GPR158: variants seen among roughly 807,000 people sequenced by gnomAD.
GPR158 encodes metabotropic glycine receptor.
Under a neutral mutation model 78.2 loss-of-function variants are expected in GPR158, and 30 were observed. The ratio of observed to expected loss-of-function variants is 0.38; its 90% CI spans 0.29 to 0.52. The LOEUF (loss-of-function observed/expected upper bound fraction) is 0.52, where lower values mean the gene tolerates loss of function less well. Ranked by LOEUF, GPR158 falls within the 20% of genes least tolerant of loss-of-function variation. GPR158 has a pLI of 0.83. For synonymous variants in GPR158, 581 were observed against 591.1 expected (o/e 0.98, Z 0.25); for missense variants, 1,463 against 1,523.5 (o/e 0.96, Z 0.66).
rs74986827 is a variant in GPR158, at chr10:25,225,641, A to G, written c.1008+4484A>G. Among the ~76,000 whole-genome samples the G allele has an allele frequency of 6.7e-3, 1,026 of 152,276 alleles. 8 individuals are homozygous for G. The highest frequency in any genetic ancestry group is 0.024 in the African/African-American group (981 of 41,580). On this transcript the variant is annotated intron_variant, in intron 2 of 10. Coordinates refer to ENST00000376351, the MANE Select transcript of GPR158 (RefSeq NM_020752.3). ...AGTATTTTCTTTTTGCATGCCAATT[A>G]AAGTCGTGTTTATTCTGCTTTGGAG...
intron 6 of GPR158, among the ~76,000 whole-genome samples, chr10:25,568,438 TAGGA>T (rs1836961576): frequency 6.6e-6 from 1 of 151,248 alleles, no homozygotes; most frequent in Non-Finnish European, 1.5e-5. Context: ...AAGAGAGAAG[TAGGA>T]AGGAAGTAGG....
chr10:25,216,450 C>T (rs1215990966), intron 1 of GPR158, among the ~76,000 whole-genome samples: 1 of 151,528 alleles, frequency 6.6e-6, no homozygotes, highest in Non-Finnish European at 1.5e-5. Flanking sequence ...ATGATACTTT[C>T]AATTTGCTTG....
chr10:25,313,641 T>G (rs1666448204), intron 2 of GPR158, among the ~76,000 whole-genome samples: 1 of 152,218 alleles, frequency 6.6e-6, no homozygotes, highest in African/African-American at 2.4e-5. Flanking sequence ...TTTATTATAC[T>G]AATGGACTCC....
intron 2 of GPR158, among the ~76,000 whole-genome samples, chr10:25,381,997 C>T (rs781117627): frequency 6.6e-6 from 1 of 152,050 alleles, no homozygotes; most frequent in Non-Finnish European, 1.5e-5. Context: ...CAACAGGGTT[C>T]GGTAAGCAAG....
chr10:25,346,636 C>T (rs1855375651), intron 2 of GPR158, among the ~76,000 whole-genome samples: 1 of 151,724 alleles, frequency 6.6e-6, no homozygotes, highest in African/African-American at 2.4e-5. Context: ...AATTGAAGTG[C>T]CATTTCTGAT....
intron 2 of GPR158, among the ~76,000 whole-genome samples, chr10:25,233,246 G>T (rs1232331885): frequency 6.6e-6 from 1 of 152,212 alleles, no homozygotes; most frequent in Non-Finnish European, 1.5e-5. Flanking sequence ...TCCCTCAGCA[G>T]TGCTTTCTAT....
chr10:25,476,384 G>T lies in GPR158; in HGVS notation c.1404+9665G>T, dbSNP rs74399446. 3.5e-5 allele frequency among the ~76,000 whole-genome samples: 5 copies of T among 144,436 alleles called. No individual in the cohort carries two copies. The East Asian group carries it at 6.1e-4, about 18-fold the overall frequency. The allele number at this position is 144,436 out of a possible 152,430, so 94.8% of individuals were successfully genotyped here. ...AAACCGTCAGTTTCATTTAATAAGG[G>T]TTTTTTTTTTTTTTCTTTCCCCTCT... On this transcript the variant is annotated intron_variant, in intron 5 of 10. Coordinates refer to ENST00000376351, the MANE Select transcript of GPR158 (RefSeq NM_020752.3).
In GPR158 at chr10:25,250,822, A is replaced by G. The variant is rs1329205260; in HGVS notation, c.1008+29665A>G. 5.1e-3 allele frequency among the ~76,000 whole-genome samples: 768 copies of G among 150,510 alleles called. 4 individuals carry two copies. Among genetic ancestry groups the G allele is most frequent in the Non-Finnish European group, 7.2e-3 (487 of 67,802 alleles). ...GGGGTGGAGAGTTCTGTAGATGTCT[A>G]TTAGGTCCGCTTGGTGCAGAGCTGA... On this transcript the variant is annotated intron_variant, in intron 2 of 10. Transcript: ENST00000376351.
At chr10:25,191,930 T>A (rs189336038) in intron 1 of GPR158, among the ~76,000 whole-genome samples, 11 of 152,286 alleles carry the variant, frequency 7.2e-5, no homozygotes, top group Admixed American at 5.9e-4. Flanking sequence ...CTCCTGTTAT[T>A]ATCTGTCTCT....
chr10:25,387,167 G>A (rs1253351201), intron 2 of GPR158, among the ~76,000 whole-genome samples: 1 of 151,916 alleles, frequency 6.6e-6, no homozygotes, highest in African/African-American at 2.4e-5. Flanking sequence ...TAGTATGTTG[G>A]GTGTTTTTAT....
chr10:25,241,285 T>TTTCC (rs1564399580), intron 2 of GPR158, among the ~76,000 whole-genome samples: 4 of 69,068 alleles, frequency 5.8e-5, no homozygotes, highest in South Asian at 5.3e-4. Flanking sequence ...TCTTTCTTTC[T>TTTCC]TTTCTTTTCT....
chr10:25,247,443 C>T (rs1009061829), intron 2 of GPR158, among the ~76,000 whole-genome samples: 57 of 142,160 alleles, frequency 4.0e-4, no homozygotes, highest in African/African-American at 1.2e-3. Context: ...TTAGGTATAT[C>T]GCCCAATGCT....
chr10:25,310,209 A>G (rs2130461255), intron 2 of GPR158, among the ~76,000 whole-genome samples: 1 of 152,264 alleles, frequency 6.6e-6, no homozygotes, highest in East Asian at 1.9e-4. Context: ...ATTTGACCAT[A>G]TACGTAAAGG....
chr10:25,513,289 T>C (rs749994576), intron 5 of GPR158, among the ~76,000 whole-genome samples: 1 of 152,034 alleles, frequency 6.6e-6, no homozygotes, highest in Non-Finnish European at 1.5e-5. Flanking sequence ...TTCCAGGAAT[T>C]TGTCCATCTC....
At chr10:25,446,889 A>G (rs937500282) in intron 4 of GPR158, among the ~76,000 whole-genome samples, 1 of 152,200 alleles carries the variant, frequency 6.6e-6, no homozygotes, top group African/African-American at 2.4e-5. Context: ...GGCAGATAAG[A>G]TAGGGAAGAT....
At chr10:25,296,845 C>T (rs902657474) in intron 2 of GPR158, among the ~76,000 whole-genome samples, 2 of 152,144 alleles carry the variant, frequency 1.3e-5, no homozygotes, top group Non-Finnish European at 2.9e-5. Flanking sequence ...GATTTTATTC[C>T]AGGCTGAATC....
chr10:25,484,052 C>T (rs546412838), intron 5 of GPR158, among the ~76,000 whole-genome samples: 28 of 152,170 alleles, frequency 1.8e-4, no homozygotes, highest in Non-Finnish European at 2.9e-4. Flanking sequence ...TAGAAAAGAC[C>T]GATAATAAAG....
intron 7 of GPR158, among the ~76,000 whole-genome samples, chr10:25,584,274 A>G (rs1004849194): frequency 6.6e-6 from 1 of 152,238 alleles, no homozygotes; most frequent in Non-Finnish European, 1.5e-5. Context: ...TAACATCTGC[A>G]TATTTTCTTT....
At chr10:25,329,395 G>A (rs370141552) in intron 2 of GPR158, among the ~76,000 whole-genome samples, 1 of 151,376 alleles carries the variant, frequency 6.6e-6, no homozygotes, top group Non-Finnish European at 1.5e-5. Flanking sequence ...AGCGGAGATC[G>A]CGCCACTGCA....
Sources: allele counts gnomAD v4.1 joint callset (sites outside exome capture counted in the v4.1 genomes callset), GRCh38; gene constraint gnomAD v4.1.1; transcripts MANE v1.5; gene names NCBI Gene and HGNC (gene_info 2026-07-23, HGNC 2026-07-21).